Variants in GLIS3 observed in about 807,000 individuals in gnomAD.
GLIS3 encodes zinc finger protein GLIS3.
Under a neutral mutation model 78.6 loss-of-function variants are expected in GLIS3, and 53 were observed. That is an observed-to-expected ratio of 0.67 (90% confidence interval 0.54 to 0.85). GLIS3 has a LOEUF of 0.85. GLIS3 is among the 40% of genes least tolerant of loss of function. The pLI is 0.00. For missense variants in GLIS3, 1,703 were observed against 1,231.1 expected (o/e 1.38, Z -5.74); for synonymous variants, 684 against 509.9 (o/e 1.34, Z -4.60).
intron 4 of GLIS3, among the ~76,000 whole-genome samples, chr9:4,029,499 T>C (rs1224003656): frequency 1.1e-4 from 16 of 152,312 alleles, no homozygotes; most frequent in East Asian, 9.6e-4. Context: ...AATTAAATTA[T>C]TGACTATGGT....
At chr9:4,006,524 G>A (rs1277476175) in intron 4 of GLIS3, among the ~76,000 whole-genome samples, 1 of 152,146 alleles carries the variant, frequency 6.6e-6, no homozygotes, top group Non-Finnish European at 1.5e-5. Context: ...TTGCTGGTGA[G>A]GGGTGCAGGA....
At chr9:4,030,913 A>G in intron 4 of GLIS3, among the ~76,000 whole-genome samples, 1 of 152,250 alleles carries the variant, frequency 6.6e-6, no homozygotes, top group Non-Finnish European at 1.5e-5. Context: ...GATGCTCGGC[A>G]TCATTAGTCA....
At chr9:4,007,229 T>C (rs1196834621) in intron 4 of GLIS3, among the ~76,000 whole-genome samples, 4 of 152,072 alleles carry the variant, frequency 2.6e-5, no homozygotes, top group East Asian at 3.9e-4. Context: ...GCCCCTAAAA[T>C]AGGGGGGACA....
chr9:4,287,964 T>C (rs1041992936), intron 1 of GLIS3, among the ~76,000 whole-genome samples: 15 of 152,220 alleles, frequency 9.9e-5, no homozygotes, highest in African/African-American at 3.4e-4. Context: ...TGCCATCAGT[T>C]TGTGACATTT....
intron 4 of GLIS3, among the ~76,000 whole-genome samples, chr9:4,016,866 A>G (rs1822485172): frequency 6.6e-6 from 1 of 152,182 alleles, no homozygotes; most frequent in South Asian, 2.1e-4. Flanking sequence ...GATGATAACT[A>G]AAGTGAACAC....
intron 2 of GLIS3, among the ~76,000 whole-genome samples, chr9:4,331,065 A>T (rs1278915071): frequency 2.0e-5 from 3 of 152,216 alleles, no homozygotes; most frequent in Non-Finnish European, 4.4e-5. Flanking sequence ...CTAAGGCTGC[A>T]TAACAAATTA....
At chr9:4,136,063 G>C (rs1833386587) in intron 2 of GLIS3, among the ~76,000 whole-genome samples, 1 of 152,166 alleles carries the variant, frequency 6.6e-6, no homozygotes, top group Non-Finnish European at 1.5e-5. Context: ...GAAATAACCG[G>C]CTCCTATATT....
Position 4,141,823 on chromosome 9 carries a change from A to T in GLIS3, c.389-15882T>A, listed in dbSNP as rs149963232. ...CAAAATATAAAAATACAATTTTAAC[A>T]TCACAAATCTCAACACACAGGCAAT... On this transcript the variant is annotated intron_variant, in intron 2 of 10. Coordinates refer to ENST00000381971, the MANE Select transcript of GLIS3 (RefSeq NM_001042413.2). Among the ~76,000 whole-genome samples, 3 of 152,374 alleles carry T rather than the reference A, an allele frequency of 2.0e-5. No homozygotes were observed. The East Asian group carries it at 5.8e-4, about 29-fold the overall frequency.
At chr9:3,847,537 G>C (rs1819135098) in intron 9 of GLIS3, among the ~76,000 whole-genome samples, 1 of 152,198 alleles carries the variant, frequency 6.6e-6, no homozygotes, top group African/African-American at 2.4e-5. Context: ...CATTAATATG[G>C]TGAGTTTAAT....
the GLIS3 span, among the ~76,000 whole-genome samples, chr9:4,362,970 G>A: frequency 6.6e-6 from 1 of 152,134 alleles, no homozygotes; most frequent in Non-Finnish European, 1.5e-5. Flanking sequence ...TCAAAGAGAA[G>A]ATAGAGGCAG....
chr9:4,074,576 T>C (rs748399279), intron 4 of GLIS3, among the ~76,000 whole-genome samples: 10 of 152,230 alleles, frequency 6.6e-5, no homozygotes, highest in Admixed American at 3.3e-4. Context: ...TTCTTTCTTA[T>C]GGCTCTATAT....
At chr9:4,369,811 C>A in the GLIS3 span, among the ~76,000 whole-genome samples, 1,189 of 152,120 alleles carry the variant, frequency 7.8e-3, 19 homozygotes, top group African/African-American at 0.026. Context: ...GAGATAAAAT[C>A]CTATGTTCAT....
At chr9:3,889,420 T>C (rs1588157422) in intron 7 of GLIS3, among the ~76,000 whole-genome samples, 3 of 152,346 alleles carry the variant, frequency 2.0e-5, no homozygotes, top group Middle Eastern at 6.8e-3. Context: ...TTTGCCATTA[T>C]CTGTTTTAAA....
chr9:4,402,514 T>C, the GLIS3 span, among the ~76,000 whole-genome samples: 12 of 152,262 alleles, frequency 7.9e-5, no homozygotes, highest in East Asian at 2.3e-3. Flanking sequence ...GAAATGGAGA[T>C]ATGTGACCTA....
chr9:4,140,831 T>A (rs1833758032), intron 2 of GLIS3, among the ~76,000 whole-genome samples: 2 of 151,410 alleles, frequency 1.3e-5, no homozygotes, highest in African/African-American at 4.9e-5. Context: ...GGAGTTTTGC[T>A]CTTATTGCCC....
intron 4 of GLIS3, among the ~76,000 whole-genome samples, chr9:4,113,272 A>C (rs1831377435): frequency 6.6e-6 from 1 of 152,138 alleles, no homozygotes; most frequent in South Asian, 2.1e-4. Flanking sequence ...CGTTATTTAT[A>C]CTTTTTTGAA....
chr9:4,393,960 A>G, the GLIS3 span, among the ~76,000 whole-genome samples: 15 of 152,186 alleles, frequency 9.9e-5, 1 homozygote, highest in South Asian at 2.9e-3. Flanking sequence ...TATTACCCTA[A>G]TTACAGAACT....
At chr9:3,901,756 A>T (rs2130624221) in intron 6 of GLIS3, among the ~76,000 whole-genome samples, 1 of 152,302 alleles carries the variant, frequency 6.6e-6, no homozygotes, top group South Asian at 2.1e-4. Flanking sequence ...GCTGTGGCAC[A>T]TTCCAGTCTC....
At chr9:4,414,837 C>T in the GLIS3 span, among the ~76,000 whole-genome samples, 36 of 152,032 alleles carry the variant, frequency 2.4e-4, no homozygotes, top group Admixed American at 2.6e-4. Flanking sequence ...TCTGATCACC[C>T]TGGCTTGTCT....
Sources: gnomAD v4.1 joint callset for allele counts (sites outside exome capture counted in the v4.1 genomes callset) on GRCh38, gnomAD v4.1.1 for gene constraint, MANE v1.5 for transcripts, NCBI Gene and HGNC (gene_info 2026-07-23, HGNC 2026-07-21) for gene names.